UNC80: variants seen among roughly 807,000 people sequenced by gnomAD.
UNC80 encodes protein unc-80 homolog.
In UNC80, 164 loss-of-function variants were observed where a neutral mutation model predicts 384.6. The ratio of observed to expected loss-of-function variants is 0.43; its 90% CI spans 0.38 to 0.49. UNC80 has a LOEUF of 0.49. Ranked by LOEUF, UNC80 falls within the 20% of genes least tolerant of loss-of-function variation. The pLI, the probability that UNC80 is intolerant of heterozygous loss-of-function variation, is 0.00. For missense variants in UNC80, 3,330 were observed against 4,143.0 expected (o/e 0.80, Z 5.39); for synonymous variants, 1,486 against 1,527.8 (o/e 0.97, Z 0.64).
chr2:209,797,758 T>C (rs2078259439), intron 7 of UNC80, among the ~76,000 whole-genome samples: 1 of 152,218 alleles, frequency 6.6e-6, no homozygotes, highest in African/African-American at 2.4e-5. Context: ...ACGGTTGAAC[T>C]AATTTACATT....
At position 209,772,968 on chromosome 2, in the gene UNC80, C is replaced by T. The variant is rs1034561673; in HGVS notation, c.93-126C>T. Reference sequence around the variant, plus strand: ...TGTTCAACACCTGCTCATTAAAAAGCTATAAGGAAGCATGAAATTTGAATT... The same window carrying T: ...TGTTCAACACCTGCTCATTAAAAAGTTATAAGGAAGCATGAAATTTGAATT... On this transcript the variant is annotated intron_variant, in intron 1 of 64. Coordinates refer to ENST00000673920, the MANE Select transcript of UNC80 (RefSeq NM_001371986.1). 5 of 740,052 alleles carry T rather than the reference C, an allele frequency of 6.8e-6. No individual in the cohort carries two copies. In the African/African-American group the frequency reaches 8.8e-5, roughly 13 times the overall value. The allele number at this position is 740,052 out of a possible 1,614,324, so 45.8% of individuals were successfully genotyped here.
chr2:209,960,927 C>G (rs2092569026), intron 51 of UNC80: 1 of 152,258 alleles, frequency 6.6e-6, no homozygotes, highest in African/African-American at 2.4e-5. Flanking sequence ...CCCTCCACTT[C>G]CTTTCCCGCT....
At chr2:209,941,548 C>G (rs570927178) in intron 44 of UNC80, 59 bp downstream of exon 44, 1 of 1,422,184 alleles carries the variant, frequency 7.0e-7, no homozygotes, top group African/African-American at 1.4e-5. Flanking sequence ...CATATCTAGC[C>G]GTTCAACTAG....
chr2:209,793,787 G>A lies in UNC80; in HGVS notation c.866G>A (p.Cys289Tyr). 6.2e-7 allele frequency: 1 copy of A among 1,614,132 alleles called. No individual in the cohort carries two copies. The highest frequency in any genetic ancestry group is 8.5e-7 in the Non-Finnish European group (1 of 1,179,988). ...SISPKATISGCHRGNSFDGSL... is the reference protein window; with the variant it reads ...SISPKATISGYHRGNSFDGSL... The stretch of plus-strand genomic sequence containing the variant: ...TCACCCAAGGCCACCATTTCAGGCT[G>A]TCACCGAGGAAACTCCTTTGATGGA... The change falls in exon 7 of 65, where the codon TGT becomes TAT. Residue 289 changes from cysteine (C) to tyrosine (Y), a missense_variant. Physicochemically the swap from Cys to Tyr is radical, Grantham distance 194 (BLOSUM62 -2). Transcript: ENST00000673920.
rs151065127 is a variant in UNC80 at position 209,945,249 on chromosome 2, A to G, written c.7189+60A>G. ...CACTGCAGTTGTTAAATATAAATAT[A>G]TGTATTATACACACATACACGTATA... is the stretch of plus-strand genomic sequence containing the variant. On this transcript the variant is annotated intron_variant, in intron 46 of 64. Coordinates refer to ENST00000673920, the MANE Select transcript of UNC80 (RefSeq NM_001371986.1). 432 of 1,507,192 alleles carry G rather than the reference A, an allele frequency of 2.9e-4. 2 individuals carry two copies. In the African/African-American group the frequency reaches 5.3e-3, roughly 18 times the overall value. The allele number at this position is 1,507,192 out of a possible 1,614,324, so 93.4% of individuals were successfully genotyped here. A position where few individuals can be genotyped will look rare whatever the true frequency, so the allele number is the denominator to read the frequency against.
intron 28 of UNC80, among the ~76,000 whole-genome samples, chr2:209,902,475 A>G (rs576750826): frequency 1.3e-5 from 2 of 152,340 alleles, no homozygotes; most frequent in Admixed American, 1.3e-4. Flanking sequence ...AAATGCTATC[A>G]AACAGTATCA....
Position 209,817,970 on chromosome 2 carries a change from C to A in UNC80, c.1693+18C>A, listed in dbSNP as rs1325435418. Reference sequence around the variant, plus strand: ...CAAGGAAGGTGGGTAGGAGGTGGGGCCTACGGGCAGGAGTTCAGAGTTCTT... The same window carrying A: ...CAAGGAAGGTGGGTAGGAGGTGGGGACTACGGGCAGGAGTTCAGAGTTCTT... On this transcript the variant is annotated intron_variant, in intron 11 of 64. Coordinates refer to ENST00000673920, the MANE Select transcript of UNC80 (RefSeq NM_001371986.1). The A allele has an allele frequency of 6.4e-7, 1 of 1,551,162 alleles. No individual in the cohort carries two copies. The highest frequency in any genetic ancestry group is 2.4e-5 in the East Asian group (1 of 40,926).
chr2:209,954,233 C>T lies in UNC80; in HGVS notation c.7420C>T (p.Leu2474=). 1 of 1,551,002 alleles carries T rather than the reference C, an allele frequency of 6.4e-7. No homozygotes were observed. The highest frequency in any genetic ancestry group is 8.7e-7 in the Non-Finnish European group (1 of 1,146,892). ...IAATAALATS[L]QALLYSVEVL... is the part of the protein sequence containing the mutation. ...GGCCACTGCTGCTCTTGCGACGTCCCTACAGGCCCTTTTGTACAGTGTAGA... is the reference window on the plus strand; with the variant it reads ...GGCCACTGCTGCTCTTGCGACGTCCTTACAGGCCCTTTTGTACAGTGTAGA... The change falls in exon 48 of 65, where the codon CTA becomes TTA. Residue 2474 remains leucine (L), a synonymous_variant. Transcript: ENST00000673920.
At chr2:209,877,709 A>G (rs1442937516) in intron 23 of UNC80, among the ~76,000 whole-genome samples, 1 of 152,182 alleles carries the variant, frequency 6.6e-6, no homozygotes, top group Non-Finnish European at 1.5e-5. Flanking sequence ...CTTTTGTACA[A>G]ATATACAAAG....
At chr2:209,835,598 C>T (rs1469527434) in intron 18 of UNC80, among the ~76,000 whole-genome samples, 1 of 152,192 alleles carries the variant, frequency 6.6e-6, no homozygotes, top group Non-Finnish European at 1.5e-5. Context: ...TTATCATAGA[C>T]ACTAATTGTA....
Position 209,945,081 on chromosome 2 carries a change from G to A in UNC80, c.7081G>A (p.Val2361Met). Residue 2361 changes from valine (V) to methionine (M), a missense_variant, in exon 46 of 65, where the codon GTG becomes ATG. By Grantham distance (21) the Val-to-Met change is conservative. Transcript: ENST00000673920. ...DAANNGPSKG[V>M]SAQCLFDLLQ... Reference sequence around the variant, plus strand: ...TGCCAATAATGGGCCCAGCAAAGGTGTGTCAGCTCAGTGCCTGTTTGACTT... The same window carrying A: ...TGCCAATAATGGGCCCAGCAAAGGTATGTCAGCTCAGTGCCTGTTTGACTT... 4.5e-6 allele frequency: 7 copies of A among 1,551,618 alleles called. No individual in the cohort carries two copies. Among genetic ancestry groups the A allele is most frequent in the Non-Finnish European group, 6.1e-6 (7 of 1,146,836 alleles).
In UNC80 at chr2:209,809,118, G is replaced by A. The variant is rs533715895; in HGVS notation, c.939-4462G>A. 1.4e-5 allele frequency: 8 copies of A among 555,102 alleles called. No homozygotes were observed. In the East Asian group the frequency reaches 1.7e-4, roughly 12 times the overall value. 34.4% of individuals were successfully genotyped at this position (555,102 alleles called of 1,614,324 possible). On this transcript the variant is annotated intron_variant, in intron 7 of 64. Coordinates refer to ENST00000673920, the MANE Select transcript of UNC80 (RefSeq NM_001371986.1). Reference sequence around the variant, plus strand: ...CCAGCCCACGTTCACAGCCTTCTTCGTCTTTCTCCTCCACTTCAGCTTCTT... The same window carrying A: ...CCAGCCCACGTTCACAGCCTTCTTCATCTTTCTCCTCCACTTCAGCTTCTT...
Position 209,926,876 on chromosome 2 carries a change from A to G in UNC80, c.5696A>G (p.His1899Arg). 2 of 1,552,256 alleles carry G rather than the reference A, an allele frequency of 1.3e-6. No homozygotes were observed. Among genetic ancestry groups the G allele is most frequent in the Non-Finnish European group, 1.7e-6 (2 of 1,147,078 alleles). Residue 1899 changes from histidine to arginine, a missense_variant, in exon 36 of 65, where the codon CAC becomes CGC. Around this residue, in one of 8 missense-constraint regions of UNC80, gnomAD observed 1,049 missense variants for 1,488.6 expected, o/e 0.70. Transcript: ENST00000673920. ...EEHTTEHTPN[H>R]HVPQPPQAVF... ...CATACCACTGAACACACGCCGAACC[A>G]CCATGTGCCTCAGCCCCCACAAGCA...
intron 62 of UNC80, 46 bp from the exon 63 acceptor site, chr2:209,993,269 G>A: frequency 1.4e-6 from 2 of 1,417,320 alleles, no homozygotes; most frequent in South Asian, 2.6e-5. Context: ...TTTCCTCCTA[G>A]GCAGTTAGAC....
chr2:209,858,111 A>G (rs1245698591), intron 22 of UNC80, among the ~76,000 whole-genome samples: 1 of 152,200 alleles, frequency 6.6e-6, no homozygotes, highest in African/African-American at 2.4e-5. Flanking sequence ...TTGTGTTGAA[A>G]TCCCTCACAA....
In UNC80 at chr2:209,913,945, A is replaced by G; in HGVS notation, c.5029+5A>G. ...AGCACATGGCAGGGGCAGCAGGTAA[A>G]GAAAGACCACCTGGAACCCTGTGCC... On this transcript the variant is annotated splice_donor_5th_base_variant and intron_variant, in intron 31 of 64. Transcript: ENST00000673920. The G allele has an allele frequency of 3.9e-6, 6 of 1,542,684 alleles. No homozygotes were observed. Among genetic ancestry groups the G allele is most frequent in the Non-Finnish European group, 3.5e-6 (4 of 1,140,326 alleles).
At chr2:209,983,225 C>T (rs1280110950) in intron 60 of UNC80, among the ~76,000 whole-genome samples, 1 of 152,108 alleles carries the variant, frequency 6.6e-6, no homozygotes. Context: ...AATAATTACC[C>T]TGTACCCAAA....
At chr2:209,865,158 C>A (rs113562614) in intron 22 of UNC80, among the ~76,000 whole-genome samples, 36 of 152,250 alleles carry the variant, frequency 2.4e-4, no homozygotes, top group African/African-American at 8.2e-4. Context: ...CCACGGGTCA[C>A]GGCAGCCTCT....
Position 209,772,174 on chromosome 2 carries a change from G to T in UNC80, c.92+10G>T. 1 of 1,534,742 alleles carries T rather than the reference G, an allele frequency of 6.5e-7. No homozygotes were observed. Among genetic ancestry groups the T allele is most frequent in the Non-Finnish European group, 8.8e-7 (1 of 1,139,234 alleles). On this transcript the variant is annotated intron_variant, in intron 1 of 64. Transcript: ENST00000673920. ...TGTGGCGGCAAACCAGGTGAGGGGC[G>T]CAGAGGGCGCACCGCGGGCCGCCCT... is the stretch of plus-strand genomic sequence containing the variant.
Sources: gnomAD v4.1 joint callset for allele counts (sites outside exome capture counted in the v4.1 genomes callset) on GRCh38, gnomAD v4.1.1 for gene constraint, gnomAD v4.1.1 regional missense constraint, MANE v1.5 for transcripts, NCBI Gene and HGNC (gene_info 2026-07-23, HGNC 2026-07-21) for gene names.